CRACD: variants seen among roughly 807,000 people sequenced by gnomAD.
The protein encoded by CRACD is capping protein inhibiting regulator of actin dynamics.
In CRACD, 56 loss-of-function variants were observed where a neutral mutation model predicts 106.8. That is an observed-to-expected ratio of 0.52 (90% CI 0.42 to 0.66). The LOEUF is 0.66. CRACD is among the 30% of genes least tolerant of loss of function. CRACD has a pLI of 0.00. For missense variants in CRACD, 1,730 were observed against 1,623.2 expected, an observed-to-expected ratio of 1.07 and a Z score of -1.13; for synonymous variants, 754 against 670.8, an observed-to-expected ratio of 1.12 and a Z score of -1.92.
chr4:56,125,830 G>A (rs187343314), intron 1 of CRACD, among the ~76,000 whole-genome samples: 1,491 of 135,632 alleles, frequency 0.011, 19 homozygotes, highest in East Asian at 0.071. Flanking sequence ...GGAGTGCAAT[G>A]GCACGATCTT....
At chr4:56,323,895 A>G (rs1237772340) in intron 9 of CRACD, among the ~76,000 whole-genome samples, 1 of 152,258 alleles carries the variant, frequency 6.6e-6, no homozygotes, top group East Asian at 1.9e-4. Context: ...CTTCTGGGAA[A>G]GTAACTTTCC....
intron 1 of CRACD, among the ~76,000 whole-genome samples, chr4:56,067,446 TA>T (rs1732499286): frequency 6.6e-6 from 1 of 152,232 alleles, no homozygotes. Flanking sequence ...GGGTTCCTCT[TA>T]AAAATCTAAT....
intron 1 of CRACD, among the ~76,000 whole-genome samples, chr4:56,144,396 AC>A (rs1269308467): frequency 3.9e-5 from 6 of 152,210 alleles, no homozygotes; most frequent in Admixed American, 3.9e-4. Context: ...GAGAGGCAAG[AC>A]TGGAGCTAGG....
intron 2 of CRACD, among the ~76,000 whole-genome samples, chr4:56,198,022 T>C (rs1228958712): frequency 6.6e-6 from 1 of 152,168 alleles, no homozygotes; most frequent in African/African-American, 2.4e-5. Flanking sequence ...TTTTTCTTGA[T>C]TCTGTGACTT....
intron 2 of CRACD, among the ~76,000 whole-genome samples, chr4:56,266,933 T>C (rs1033917559): frequency 1.3e-5 from 2 of 152,194 alleles, no homozygotes; most frequent in African/African-American, 4.8e-5. Context: ...GGGAATCAAA[T>C]AAGAGTATAA....
intron 1 of CRACD, among the ~76,000 whole-genome samples, chr4:56,054,968 GGT>G (rs1732004509): frequency 6.6e-6 from 1 of 152,166 alleles, no homozygotes; most frequent in Non-Finnish European, 1.5e-5. Flanking sequence ...TTTTGAAACT[GGT>G]ACTGTATTCA....
chr4:56,307,846 G>A (rs1025762873), intron 5 of CRACD, 147 bp downstream of exon 5: 2 of 740,802 alleles, frequency 2.7e-6, no homozygotes, highest in South Asian at 1.9e-5. Flanking sequence ...TTCCTGGTAG[G>A]TGTCCTGACC....
Position 56,328,015 on chromosome 4 carries a change from T to C in CRACD, c.*211T>C. The C allele has an allele frequency of 2.1e-6, 1 of 477,596 alleles. No homozygotes were observed. Among genetic ancestry groups the C allele is most frequent in the Admixed American group, 3.5e-5 (1 of 28,358 alleles). 29.6% of individuals were successfully genotyped at this position (477,596 alleles called of 1,614,324 possible). On this transcript the variant is annotated 3_prime_UTR_variant, in exon 11 of 11. Coordinates refer to ENST00000682029, the MANE Select transcript of CRACD (RefSeq NM_001393381.1). The stretch of plus-strand genomic sequence containing the variant: ...AGGTCCTGGTGCCTCGAGCTCCTCC[T>C]AGTTCTCAAGAGAAAATTCCGTCCA...
rs762681658 is a variant in CRACD at position 56,314,411 on chromosome 4, G to A, written c.909G>A (p.Ala303=). 1.4e-5 allele frequency: 21 copies of A among 1,453,308 alleles called. No individual in the cohort carries two copies. The highest frequency in any genetic ancestry group is 6.3e-5 in the African/African-American group (3 of 47,662). The allele number at this position is 1,453,308 out of a possible 1,614,324, so 90.0% of individuals were successfully genotyped here. Residue 303 remains alanine (A), a synonymous_variant, in exon 8 of 11, where the codon GCG becomes GCA. Transcript: ENST00000682029. This position sits in a 1 kb window ranked among gnomAD's most constrained non-coding sequence, Gnocchi z 4.4. ...RSLEAPGWED[A]ERREREERER... ...TGGAAGCGCCAGGTTGGGAGGACGC[G>A]GAGCGGAGGGAGCGTGAGGAGCGCG...
At chr4:56,078,244 C>T (rs1020450685) in intron 1 of CRACD, among the ~76,000 whole-genome samples, 18 of 151,792 alleles carry the variant, frequency 1.2e-4, no homozygotes, top group South Asian at 2.1e-4. Flanking sequence ...ATGAAACTGG[C>T]GCCTGTGACT....
chr4:56,236,413 G>T (rs545523438), intron 2 of CRACD, among the ~76,000 whole-genome samples: 1 of 152,152 alleles, frequency 6.6e-6, no homozygotes. Context: ...CCATGTTGTG[G>T]TACTTTATTG....
chr4:56,329,757 T>C lies in CRACD; in HGVS notation c.*1953T>C, dbSNP rs966845166. 4.6e-5 allele frequency among the ~76,000 whole-genome samples: 7 copies of C among 152,344 alleles called. No homozygotes were observed. The highest frequency in any genetic ancestry group is 1.7e-4 in the African/African-American group (7 of 41,588). Reference sequence around the variant, plus strand: ...ACCTACAGCCCTGGAATGATAATGCTACAGTAATTCTTCTGAATTGACTTT... The same window carrying C: ...ACCTACAGCCCTGGAATGATAATGCCACAGTAATTCTTCTGAATTGACTTT... On this transcript the variant is annotated 3_prime_UTR_variant, in exon 11 of 11. Coordinates refer to ENST00000682029, the MANE Select transcript of CRACD (RefSeq NM_001393381.1).
At chr4:56,089,024 C>G (rs1052554187) in intron 1 of CRACD, among the ~76,000 whole-genome samples, 6 of 152,282 alleles carry the variant, frequency 3.9e-5, no homozygotes, top group East Asian at 1.9e-4. Flanking sequence ...CATGCCCAGC[C>G]TAGTTTTTCT....
intron 1 of CRACD, among the ~76,000 whole-genome samples, chr4:56,093,080 A>G (rs1294564942): frequency 1.3e-5 from 2 of 152,062 alleles, no homozygotes; most frequent in African/African-American, 2.4e-5. Context: ...GAGTTTTTTC[A>G]TAGTTTCTGT....
intron 4 of CRACD, among the ~76,000 whole-genome samples, chr4:56,306,367 G>A (rs768596214): frequency 1.3e-5 from 2 of 152,040 alleles, no homozygotes; most frequent in African/African-American, 4.8e-5. Flanking sequence ...GGTGGTGCAT[G>A]CCTGTAATCC....
chr4:56,134,202 A>G (rs114481244), intron 1 of CRACD, among the ~76,000 whole-genome samples: 3,309 of 144,206 alleles, frequency 0.023, 129 homozygotes, highest in African/African-American at 0.079. Flanking sequence ...CCTGTCTCAA[A>G]AAGAAAAAAA....
At position 56,229,198 on chromosome 4, in the gene CRACD, T is replaced by C. The variant is rs7668123; in HGVS notation, c.-188-43123T>C. Among the ~76,000 whole-genome samples, 623 of 152,274 alleles carry C rather than the reference T, an allele frequency of 4.1e-3. 4 individuals are homozygous for C. Among genetic ancestry groups the C allele is most frequent in the African/African-American group, 0.014 (594 of 41,542 alleles). On this transcript the variant is annotated intron_variant, in intron 2 of 10. Transcript: ENST00000682029. ...TTTGAATGTATGTGTTTCTCCAAAA[T>C]TCATTATGTTGGAACCTAATCCCCA...
At chr4:56,246,700 G>A (rs1379728035) in intron 2 of CRACD, 8 of 152,222 alleles carry the variant, frequency 5.3e-5, no homozygotes, top group African/African-American at 1.9e-4. Flanking sequence ...GTAGGCTTCA[G>A]GCAGCCCAGA....
At chr4:56,129,211 G>A (rs895907890) in intron 1 of CRACD, among the ~76,000 whole-genome samples, 1 of 152,198 alleles carries the variant, frequency 6.6e-6, no homozygotes, top group Non-Finnish European at 1.5e-5. Flanking sequence ...GAGTAACTGG[G>A]ACTACAGGCG....
Sources: gnomAD v4.1 joint callset for allele counts (sites outside exome capture counted in the v4.1 genomes callset) on GRCh38, gnomAD v4.1.1 for gene constraint, Gnocchi (gnomAD v3.1) non-coding constraint, MANE v1.5 for transcripts, NCBI Gene and HGNC (gene_info 2026-07-23, HGNC 2026-07-21) for gene names.